The following BBS9 variants were observed in gnomAD, a reference collection of about 807,000 sequenced individuals.
BBS9 encodes Bardet-Biedl syndrome 9.
A neutral mutation model predicts 117.7 loss-of-function variants in BBS9; 89 were observed. The ratio of observed to expected loss-of-function variants is 0.76; its 90% CI spans 0.64 to 0.90. The LOEUF (loss-of-function observed/expected upper bound fraction) is 0.90. Ranked by LOEUF, BBS9 falls within the 40% of genes least tolerant of loss-of-function variation. BBS9 has a pLI of 0.00. For missense variants in BBS9, 982 were observed against 1,042.2 expected (o/e 0.94, Z 0.80); for synonymous variants, 379 against 370.9 (o/e 1.02, Z -0.25).
At chr7:33,561,861 A>C (rs1469304808) in intron 21 of BBS9, among the ~76,000 whole-genome samples, 1 of 152,232 alleles carries the variant, frequency 6.6e-6, no homozygotes, top group Non-Finnish European at 1.5e-5. Context: ...TTGTAATACA[A>C]GTACAGCAGT....
At chr7:33,350,424 T>C (rs975812129) in intron 13 of BBS9, among the ~76,000 whole-genome samples, 31 of 152,344 alleles carry the variant, frequency 2.0e-4, no homozygotes, top group African/African-American at 7.5e-4. Flanking sequence ...ACATTCTAAA[T>C]AATTTATTTT....
At chr7:33,303,529 G>GC (rs1205416824) in intron 9 of BBS9, among the ~76,000 whole-genome samples, 29 of 100,324 alleles carry the variant, frequency 2.9e-4, no homozygotes, top group Admixed American at 7.5e-4. Flanking sequence ...CCCTCCCCCC[G>GC]CCCCTTCTTT....
intron 19 of BBS9, among the ~76,000 whole-genome samples, chr7:33,474,504 T>A (rs1401358902): frequency 6.6e-6 from 1 of 152,220 alleles, no homozygotes; most frequent in Non-Finnish European, 1.5e-5. Flanking sequence ...ACTTTTCTTA[T>A]CTTTGGAATA....
intron 21 of BBS9, among the ~76,000 whole-genome samples, chr7:33,580,261 T>C (rs1859656569): frequency 6.6e-6 from 1 of 151,632 alleles, no homozygotes; most frequent in Admixed American, 6.6e-5. Context: ...GTCATGTAGC[T>C]CAATTAGCCC....
chr7:33,559,348 G>T (rs1407467377), intron 21 of BBS9, among the ~76,000 whole-genome samples: 1 of 152,078 alleles, frequency 6.6e-6, no homozygotes, highest in East Asian at 1.9e-4. Context: ...TGTCTTGGGG[G>T]TACAAGTGAT....
chr7:33,214,373 A>G (rs889846221), intron 5 of BBS9, among the ~76,000 whole-genome samples: 3 of 152,022 alleles, frequency 2.0e-5, no homozygotes, highest in Non-Finnish European at 2.9e-5. Flanking sequence ...GTGATTCAAG[A>G]CTGTGTCTCC....
chr7:33,490,975 C>T (rs1168498144), intron 19 of BBS9, among the ~76,000 whole-genome samples: 1 of 152,128 alleles, frequency 6.6e-6, no homozygotes, highest in African/African-American at 2.4e-5. Context: ...CTTAAACCAC[C>T]AGTTTCGTCA....
At chr7:33,524,161 T>A (rs1471782339) in intron 20 of BBS9, among the ~76,000 whole-genome samples, 12 of 143,702 alleles carry the variant, frequency 8.4e-5, no homozygotes, top group African/African-American at 3.1e-4. Context: ...CAGTATTTTA[T>A]TGAGGATTTT....
At chr7:33,546,171 G>A (rs779099870) in intron 21 of BBS9, among the ~76,000 whole-genome samples, 35 of 151,942 alleles carry the variant, frequency 2.3e-4, no homozygotes, top group Non-Finnish European at 4.6e-4. Context: ...CTGACCTCGT[G>A]ATCCGCCCAC....
chr7:33,174,965 G>A (rs2128157182), intron 4 of BBS9, among the ~76,000 whole-genome samples: 1 of 152,284 alleles, frequency 6.6e-6, no homozygotes, highest in East Asian at 1.9e-4. Flanking sequence ...AGGTCAGCAG[G>A]CAAATTTAAG....
Position 33,420,520 on chromosome 7 carries a change from A to C in BBS9, c.2115+32376A>C, listed in dbSNP as rs552770978. Among the ~76,000 whole-genome samples, 4 of 152,302 alleles carry C rather than the reference A, an allele frequency of 2.6e-5. No individual in the cohort carries two copies. The South Asian group carries it at 8.3e-4, about 32-fold the overall frequency. ...GATGATACTGTTACGAGGTTTGGGC[A>C]GGAATCCATGCTGAAGCCATGCAGC... On this transcript the variant is annotated intron_variant, in intron 19 of 22. Coordinates refer to ENST00000242067, the MANE Select transcript of BBS9 (RefSeq NM_198428.3).
intron 5 of BBS9, among the ~76,000 whole-genome samples, chr7:33,215,084 C>T (rs1281218435): frequency 7.9e-5 from 12 of 152,184 alleles, no homozygotes; most frequent in African/African-American, 2.6e-4. Flanking sequence ...CCCAGCTACT[C>T]GGGAGGCTGA....
intron 21 of BBS9, among the ~76,000 whole-genome samples, chr7:33,577,625 C>T (rs1027891231): frequency 1.4e-4 from 21 of 152,292 alleles, no homozygotes; most frequent in Non-Finnish European, 2.5e-4. Context: ...TGGCACTATT[C>T]ACAATAGCAA....
intron 19 of BBS9, among the ~76,000 whole-genome samples, chr7:33,438,250 T>TTA (rs1217414942): frequency 2.0e-5 from 3 of 152,190 alleles, no homozygotes; most frequent in Non-Finnish European, 2.9e-5. Context: ...AGGGAGAAGC[T>TTA]TATATTTTTA....
intron 21 of BBS9, among the ~76,000 whole-genome samples, chr7:33,611,175 C>T (rs1426959313): frequency 3.3e-5 from 5 of 151,876 alleles, no homozygotes; most frequent in Non-Finnish European, 5.9e-5. Flanking sequence ...ATGTTTATTC[C>T]GTCTGGTACC....
At chr7:33,185,261 C>G (rs182799799) in intron 5 of BBS9, among the ~76,000 whole-genome samples, 2 of 152,132 alleles carry the variant, frequency 1.3e-5, no homozygotes, top group East Asian at 3.9e-4. Flanking sequence ...AATGTCTAAC[C>G]TTCTGGGAAT....
At chr7:33,234,343 T>C (rs1231137907) in intron 5 of BBS9, among the ~76,000 whole-genome samples, 1 of 152,106 alleles carries the variant, frequency 6.6e-6, no homozygotes, top group African/African-American at 2.4e-5. Context: ...TATTGAGGTA[T>C]AGTTGACAAT....
chr7:33,174,569 A>C (rs1797052571), intron 4 of BBS9, among the ~76,000 whole-genome samples: 1 of 152,196 alleles, frequency 6.6e-6, no homozygotes, highest in South Asian at 2.1e-4. Flanking sequence ...CCCCATTTGA[A>C]CATGGTTTGA....
rs972987343 is a variant in BBS9 at position 33,170,674 on chromosome 7, C to T, written c.329-6804C>T. On this transcript the variant is annotated intron_variant, in intron 4 of 22. Transcript: ENST00000242067. ...AAGGAAGTCAAATTGTCCCTGTTTG[C>T]GGATGACATGATTGTATATCTAGAA... 5.5e-3 allele frequency among the ~76,000 whole-genome samples: 832 copies of T among 150,698 alleles called. 13 individuals are homozygous for T. The highest frequency in any genetic ancestry group is 0.019 in the African/African-American group (776 of 40,918).
Sources: gnomAD v4.1 joint callset for allele counts (sites outside exome capture counted in the v4.1 genomes callset) on GRCh38, gnomAD v4.1.1 for gene constraint, MANE v1.5 for transcripts, NCBI Gene and HGNC (gene_info 2026-07-23, HGNC 2026-07-21) for gene names.